The following CENPI variants were observed in gnomAD, a reference collection of about 807,000 sequenced individuals.
CENPI encodes centromere protein I.
CENPI carries 4 observed loss-of-function variants against 60.4 expected under a neutral mutation model. The ratio of observed to expected loss-of-function variants is 0.07; its 90% CI spans 0.03 to 0.15. The LOEUF is 0.15. Ranked by LOEUF, CENPI falls within the 10% of genes least tolerant of loss-of-function variation. The probability of loss-of-function intolerance (pLI) is 1.00; values close to 1 mark genes in which losing one functional copy is unlikely to be tolerated. For missense variants in CENPI, 444 were observed against 534.5 expected, an observed-to-expected ratio of 0.83 and a Z score of 1.67; for synonymous variants, 157 against 189.4, an observed-to-expected ratio of 0.83 and a Z score of 1.40.
intron 8 of CENPI, among the ~76,000 whole-genome samples, chrX:101,123,139 A>G (rs1255423856): frequency 8.9e-6 from 1 of 112,261 alleles, no homozygotes; most frequent in East Asian, 2.8e-4. Flanking sequence ...GTCCAACAAT[A>G]TCAAACCAAG....
chrX:101,144,945 G>C, intron 16 of CENPI, 119 bp from the exon 17 acceptor site: 2 of 552,839 alleles, frequency 3.6e-6, no homozygotes, highest in Non-Finnish European at 5.8e-6. Flanking sequence ...TTATACGTTG[G>C]AGCACTGATA....
the CENPI span, among the ~76,000 whole-genome samples, chrX:101,178,128 A>C: frequency 9.0e-6 from 1 of 111,311 alleles, no homozygotes; most frequent in Non-Finnish European, 1.9e-5. Flanking sequence ...GGTCACTCAC[A>C]TATCCTTTCC....
intron 6 of CENPI, among the ~76,000 whole-genome samples, chrX:101,112,119 T>C (rs946006562): frequency 1.9e-4 from 21 of 112,329 alleles, no homozygotes; most frequent in Non-Finnish European, 3.6e-4. Context: ...AAAACAGTCC[T>C]GTTATTTCAA....
chrX:101,121,864 G>A (rs1476583427), intron 8 of CENPI, among the ~76,000 whole-genome samples: 30 of 98,851 alleles, frequency 3.0e-4, no homozygotes, highest in African/African-American at 1.1e-3. Flanking sequence ...GTGCAGTGGT[G>A]CGATCTCAGC....
chrX:101,139,241 C>T (rs755897545), intron 15 of CENPI, among the ~76,000 whole-genome samples: 51 of 104,882 alleles, frequency 4.9e-4, no homozygotes, highest in African/African-American at 1.7e-3. Context: ...ATTACAGGCA[C>T]GTGCCACCAC....
chrX:101,155,093 T>C (rs1184356570), intron 20 of CENPI, among the ~76,000 whole-genome samples: 1 of 111,318 alleles, frequency 9.0e-6, no homozygotes, highest in Non-Finnish European at 1.9e-5. Context: ...TCAGGTACTA[T>C]GTCAAAAAAA....
At chrX:101,115,111 G>A (rs2089605970) in intron 6 of CENPI, among the ~76,000 whole-genome samples, 1 of 108,528 alleles carries the variant, frequency 9.2e-6, no homozygotes, top group African/African-American at 3.4e-5. Flanking sequence ...TTACAGGCCT[G>A]CACCACCACG....
chrX:101,103,938 C>T (rs2089453244), intron 4 of CENPI, among the ~76,000 whole-genome samples: 1 of 111,580 alleles, frequency 9.0e-6, no homozygotes, highest in Admixed American at 9.6e-5. Flanking sequence ...CTTAAAAGAT[C>T]ACTTAGTCTA....
intron 16 of CENPI, among the ~76,000 whole-genome samples, chrX:101,141,852 C>T (rs765791076): frequency 4.4e-4 from 49 of 110,790 alleles, no homozygotes; most frequent in Non-Finnish European, 6.0e-4. Flanking sequence ...CCCACCTCAG[C>T]CCCTGAGTAG....
chrX:101,101,543 T>C (rs754543841), intron 3 of CENPI, among the ~76,000 whole-genome samples: 2 of 110,256 alleles, frequency 1.8e-5, no homozygotes, highest in African/African-American at 3.3e-5. Context: ...TTTCTTTTTT[T>C]TTTTCCTCCC....
chrX:101,098,740 T>C (rs56675516), intron 2 of CENPI: 5,917 of 111,335 alleles, frequency 0.053, 433 homozygotes, highest in African/African-American at 0.19. Context: ...TCAAACCTCT[T>C]CTGGACTTCT....
rs897810256 is a variant in CENPI, at chrX:101,164,719, T to C, written c.*1752T>C. On this transcript the variant is annotated 3_prime_UTR_variant, in exon 22 of 22. Transcript: ENST00000682095. ...AATGCTATAAAGAAAGGGCAGGGAA[T>C]AGGGATACAATGTGTTGAATTTTGT... 2.7e-5 allele frequency among the ~76,000 whole-genome samples: 3 copies of C among 112,611 alleles called. No homozygotes were observed. Among genetic ancestry groups the C allele is most frequent in the African/African-American group, 9.7e-5 (3 of 31,033 alleles).
At chrX:101,152,209 C>T (rs942589284) in intron 20 of CENPI, among the ~76,000 whole-genome samples, 21 of 109,036 alleles carry the variant, frequency 1.9e-4, no homozygotes, top group Non-Finnish European at 3.4e-4. Context: ...ATTACAGGCA[C>T]GTGCCACCAT....
At chrX:101,176,742 T>G in the CENPI span, among the ~76,000 whole-genome samples, 2 of 113,270 alleles carry the variant, frequency 1.8e-5, no homozygotes, top group Admixed American at 9.3e-5. Context: ...CTGTTGGTTG[T>G]TTCCTTTGCT....
chrX:101,104,852 GAAA>G (rs58910115), intron 4 of CENPI, among the ~76,000 whole-genome samples: 2 of 89,016 alleles, frequency 2.2e-5, no homozygotes. Context: ...CTGTCTCTGG[GAAA>G]AAAAAAAAAA....
chrX:101,139,841 G>GTTT (rs1297389512), intron 15 of CENPI, among the ~76,000 whole-genome samples: 1 of 95,447 alleles, frequency 1.0e-5, no homozygotes, highest in Non-Finnish European at 2.1e-5. Flanking sequence ...TTTGTTTTTT[G>GTTT]TTTTTTTTTT....
intron 15 of CENPI, among the ~76,000 whole-genome samples, chrX:101,137,366 A>G (rs143143048): frequency 1.8e-5 from 2 of 111,690 alleles, no homozygotes; most frequent in African/African-American, 6.5e-5. Context: ...TCCTTGGCTA[A>G]TGGGATGTTC....
chrX:101,099,693 A>G (rs1890163080), intron 2 of CENPI: 1 of 110,682 alleles, frequency 9.0e-6, no homozygotes, highest in Admixed American at 9.7e-5. Flanking sequence ...TTTTCTCTGA[A>G]CACTTATTAC....
intron 15 of CENPI, 114 bp downstream of exon 15, chrX:101,132,570 C>A: frequency 1.6e-6 from 1 of 642,347 alleles, no homozygotes; most frequent in Non-Finnish European, 2.4e-6. Context: ...TTTCTTGGAC[C>A]TGGGCTTTGA....
Sources: gnomAD v4.1 joint callset for allele counts (sites outside exome capture counted in the v4.1 genomes callset) on GRCh38, gnomAD v4.1.1 for gene constraint, MANE v1.5 for transcripts, NCBI Gene and HGNC (gene_info 2026-07-23, HGNC 2026-07-21) for gene names.